The following HDHD2 variants were observed in gnomAD, a reference collection of about 807,000 sequenced individuals.
HDHD2 encodes the protein haloacid dehalogenase like hydrolase domain containing 2.
In HDHD2, 26 loss-of-function variants were observed where a neutral mutation model predicts 24.8. The observed-to-expected ratio is 1.05, with a 90% confidence interval of 0.77 to 1.45. The LOEUF is 1.45. Ranked by LOEUF, HDHD2 falls within the 40% of genes most tolerant of loss-of-function variation. HDHD2 has a pLI of 0.00. For missense variants in HDHD2, 299 were observed against 313.4 expected (o/e 0.95, Z 0.35); for synonymous variants, 128 against 114.9 (o/e 1.11, Z -0.73).
rs150031096 is a variant in HDHD2 at position 47,115,170 on chromosome 18, T to C, written c.574A>G (p.Thr192Ala). 306 of 1,613,870 alleles carry C rather than the reference T, an allele frequency of 1.9e-4. 1 individual carries two copies. The African/African-American group carries it at 3.8e-3, about 20-fold the overall frequency. ...KTFFLEALRG[T>A]GCEPEEAVMI... ...ACAGCCTCCTCAGGTTCACAGCCAGTGCCCCGCAATGCTTCCAAAAAGAAC... is the reference window on the plus strand; with the variant it reads ...ACAGCCTCCTCAGGTTCACAGCCAGCGCCCCGCAATGCTTCCAAAAAGAAC... The change falls in exon 5 of 7, where the codon ACT becomes GCT. Residue 192 changes from threonine to alanine, a missense_variant. Physicochemically the swap from Thr to Ala is moderately conservative, Grantham distance 58 (BLOSUM62 0). Coordinates refer to ENST00000300605, the MANE Select transcript of HDHD2 (RefSeq NM_032124.5).
At chr18:47,119,791 T>A (rs2063588613) in intron 4 of HDHD2, among the ~76,000 whole-genome samples, 1 of 152,004 alleles carries the variant, frequency 6.6e-6, no homozygotes, top group Non-Finnish European at 1.5e-5. Flanking sequence ...ATGGCAGCTA[T>A]GGCCTTACAA....
At chr18:47,136,975 C>T in intron 1 of HDHD2, 1 of 561,316 alleles carries the variant, frequency 1.8e-6, no homozygotes, top group South Asian at 1.8e-5. Flanking sequence ...AGACATGGTA[C>T]CTCTTTTGTG....
intron 2 of HDHD2, 131 bp downstream of exon 2, chr18:47,136,208 C>A: frequency 8.9e-7 from 1 of 1,121,154 alleles, no homozygotes; most frequent in South Asian, 1.7e-5. Flanking sequence ...TCTAGCTAAA[C>A]CCAAGGCAGT....
At chr18:47,146,848 T>C (rs138564508) in intron 1 of HDHD2, among the ~76,000 whole-genome samples, 1 of 152,280 alleles carries the variant, frequency 6.6e-6, no homozygotes, top group East Asian at 1.9e-4. Flanking sequence ...AGAGTGGGGA[T>C]AATGATTACC....
chr18:47,150,253 G>T (rs2063917791), intron 1 of HDHD2, 125 bp downstream of exon 1: 1 of 152,322 alleles, frequency 6.6e-6, no homozygotes, highest in African/African-American at 2.4e-5. Flanking sequence ...AAGAGCGCAC[G>T]GCCCGGCTCG....
chr18:47,121,042 C>T (rs921329853), intron 4 of HDHD2, among the ~76,000 whole-genome samples: 4 of 151,026 alleles, frequency 2.6e-5, no homozygotes, highest in Non-Finnish European at 4.4e-5. Flanking sequence ...AAAGTGAGCA[C>T]ATACTGTTGG....
At chr18:47,138,649 C>T (rs779754942) in intron 1 of HDHD2, among the ~76,000 whole-genome samples, 3 of 152,198 alleles carry the variant, frequency 2.0e-5, no homozygotes, top group Non-Finnish European at 4.4e-5. Flanking sequence ...TACCTAATAA[C>T]AGTGTGATAT....
At chr18:47,136,141 C>T (rs1235300213) in intron 2 of HDHD2, among the ~76,000 whole-genome samples, 198 bp downstream of exon 2, 1 of 152,048 alleles carries the variant, frequency 6.6e-6, no homozygotes, top group Non-Finnish European at 1.5e-5. Context: ...ATCAAAAGGC[C>T]AAACCTAATA....
chr18:47,137,270 G>A (rs2063775254), intron 1 of HDHD2: 3 of 526,956 alleles, frequency 5.7e-6, no homozygotes, highest in South Asian at 5.5e-5. Flanking sequence ...AGATACAATG[G>A]ATGTGTTCCA....
rs150843690 is a variant in HDHD2 at position 47,113,017 on chromosome 18, C to T, written c.636G>A (p.Gly212=). ...TGCCCAGCATGCCGACATCTTGAGC[C>T]CCACCAACATCATCCCTGCAATCCT... is the stretch of plus-strand genomic sequence containing the variant. ...IGDDCRDDVG[G]AQDVGMLGIL... The change falls in exon 6 of 7, where the codon GGG becomes GGA. Residue 212 remains glycine (G), a synonymous_variant. Transcript: ENST00000300605. 1.2e-6 allele frequency: 2 copies of T among 1,614,020 alleles called. No individual in the cohort carries two copies. Among genetic ancestry groups the T allele is most frequent in the African/African-American group, 1.3e-5 (1 of 74,916 alleles).
chr18:47,110,917 C>T, intron 6 of HDHD2: 1 of 984,768 alleles, frequency 1.0e-6, no homozygotes, highest in Non-Finnish European at 1.2e-6. Flanking sequence ...CTTGTGCTAC[C>T]CCTTTAGAAA....
rs1555648887 is a variant in HDHD2 at position 47,114,850 on chromosome 18, A to AAT, written c.612+280_612+281dup. Among the ~76,000 whole-genome samples the AAT allele has an allele frequency of 2.8e-4, 43 of 151,014 alleles. 1 individual carries two copies. The highest frequency in any genetic ancestry group is 9.9e-4 in the African/African-American group (41 of 41,294). ...TTTTGAACTATATATATAATATACAAATATATATATATTATAGGAGTTAAC... is the reference window on the plus strand; with the variant it reads ...TTTTGAACTATATATATAATATACAAATATATATATATATTATAGGAGTTAAC... On this transcript the variant is annotated intron_variant, in intron 5 of 6. Coordinates refer to ENST00000300605, the MANE Select transcript of HDHD2 (RefSeq NM_032124.5).
chr18:47,129,783 A>C (rs2063695025), intron 4 of HDHD2, among the ~76,000 whole-genome samples: 1 of 152,118 alleles, frequency 6.6e-6, no homozygotes, highest in Admixed American at 6.5e-5. Context: ...ATAAAAGATA[A>C]AACTGCTGCT....
rs188491004 is a variant in HDHD2, at chr18:47,134,609, T to C, written c.197A>G (p.Asp66Gly). The change falls in exon 3 of 7, where the codon GAT becomes GGT. Residue 66 changes from aspartate to glycine, a missense_variant. Coordinates refer to ENST00000300605, the MANE Select transcript of HDHD2 (RefSeq NM_032124.5). ...TGTGAATATTTCATCTTCAGAGATA[T>C]CAAATTCCAATTTTCTCAACCTTTC... ...LLERLRKLEF[D>G]ISEDEIFTSL... The C allele has an allele frequency of 2.5e-6, 4 of 1,614,086 alleles. No homozygotes were observed. The highest frequency in any genetic ancestry group is 1.7e-5 in the Admixed American group (1 of 60,028).
chr18:47,136,060 T>G (rs1447436905), intron 2 of HDHD2, among the ~76,000 whole-genome samples: 1 of 152,224 alleles, frequency 6.6e-6, no homozygotes, highest in Non-Finnish European at 1.5e-5. Context: ...CATTGTAGAC[T>G]CTTGAGTTGT....
intron 2 of HDHD2, among the ~76,000 whole-genome samples, 199 bp from the exon 3 acceptor site, chr18:47,134,903 T>C (rs1012035534): frequency 1.3e-5 from 2 of 152,206 alleles, no homozygotes; most frequent in Non-Finnish European, 2.9e-5. Context: ...TGTAAAAAGA[T>C]TTTTCTTTCA....
intron 1 of HDHD2, among the ~76,000 whole-genome samples, chr18:47,146,662 A>G (rs1470517172): frequency 6.6e-6 from 1 of 152,252 alleles, no homozygotes; most frequent in Non-Finnish European, 1.5e-5. Context: ...ATGGCAGTAG[A>G]AAGAACTTAC....
chr18:47,134,153 C>T (rs963071175), intron 3 of HDHD2, among the ~76,000 whole-genome samples: 1 of 152,146 alleles, frequency 6.6e-6, no homozygotes, highest in Non-Finnish European at 1.5e-5. Flanking sequence ...TATTATTAGA[C>T]TGTAAAACTA....
At chr18:47,116,710 G>A (rs2063560643) in intron 4 of HDHD2, among the ~76,000 whole-genome samples, 1 of 152,146 alleles carries the variant, frequency 6.6e-6, no homozygotes, top group Admixed American at 6.5e-5. Flanking sequence ...TTACTAACGG[G>A]TGACTTATCT....
Sources: allele counts gnomAD v4.1 joint callset (sites outside exome capture counted in the v4.1 genomes callset), GRCh38; gene constraint gnomAD v4.1.1; transcripts MANE v1.5; gene names NCBI Gene and HGNC (gene_info 2026-07-23, HGNC 2026-07-21).